UROC1: variants seen among roughly 807,000 people sequenced by gnomAD.
UROC1 encodes the protein urocanate hydratase 1, also known as urocanate hydratase.
A neutral mutation model predicts 89.5 loss-of-function variants in UROC1; 79 were observed. That is an observed-to-expected ratio of 0.88 (90% CI 0.74 to 1.06). The LOEUF is 1.06. Ranked by LOEUF, UROC1 falls within the 50% of genes least tolerant of loss-of-function variation. The pLI, the probability that UROC1 is intolerant of heterozygous loss-of-function variation, is 0.00. For synonymous variants in UROC1, 361 were observed against 354.8 expected, an observed-to-expected ratio of 1.02 and a Z score of -0.20; for missense variants, 885 against 907.8, an observed-to-expected ratio of 0.97 and a Z score of 0.32.
intron 1 of UROC1, among the ~76,000 whole-genome samples, chr3:126,514,944 A>G (rs1342168510): frequency 1.3e-5 from 2 of 152,060 alleles, no homozygotes; most frequent in Non-Finnish European, 2.9e-5. Context: ...CTTCAAATAC[A>G]TATGTTAAAG....
Position 126,507,245 on chromosome 3 carries a change from C to T in UROC1, c.602+497G>A, listed in dbSNP as rs371567330. 2.6e-5 allele frequency among the ~76,000 whole-genome samples: 4 copies of T among 151,418 alleles called. No homozygotes were observed. In the East Asian group the frequency reaches 5.8e-4, roughly 22 times the overall value. ...CTTTGTCAGAACCCAAAATGTGGTG[C>T]ATGTAAGATGTGTGCATCTTATTAC... On this transcript the variant is annotated intron_variant, in intron 6 of 19. Coordinates refer to ENST00000290868, the MANE Select transcript of UROC1 (RefSeq NM_144639.3).
chr3:126,517,184 C>T (rs1454864606), intron 1 of UROC1, among the ~76,000 whole-genome samples: 1 of 152,158 alleles, frequency 6.6e-6, no homozygotes, highest in African/African-American at 2.4e-5. Context: ...TGCAGCCGCA[C>T]GTTCTCCAGA....
intron 15 of UROC1, among the ~76,000 whole-genome samples, chr3:126,495,463 G>A (rs924249736): frequency 6.6e-6 from 1 of 152,162 alleles, no homozygotes; most frequent in Admixed American, 6.5e-5. Context: ...CATCCATGTT[G>A]TCACGTGTGT....
chr3:126,489,444 C>T, intron 16 of UROC1, 69 bp from the exon 17 acceptor site: 1 of 1,327,886 alleles, frequency 7.5e-7, no homozygotes, highest in South Asian at 1.2e-5. Flanking sequence ...AGACTGAGGA[C>T]AAGGGGCAGG....
rs1285365108 is a variant in UROC1 at position 126,481,630 on chromosome 3, C to T, written c.*715G>A. ...AGGCCACTTCCCCCATCCCGGTGAC[C>T]TCTCACGAGGCTCTGGACCCAGTCA... is the stretch of plus-strand genomic sequence containing the variant. On this transcript the variant is annotated 3_prime_UTR_variant, in exon 20 of 20. Coordinates refer to ENST00000290868, the MANE Select transcript of UROC1 (RefSeq NM_144639.3). 6.6e-6 allele frequency: 1 copy of T among 152,178 alleles called. No individual in the cohort carries two copies. The highest frequency in any genetic ancestry group is 1.5e-5 in the Non-Finnish European group (1 of 68,048). 9.4% of individuals were successfully genotyped at this position (152,178 alleles called of 1,614,324 possible).
intron 13 of UROC1, among the ~76,000 whole-genome samples, chr3:126,498,667 C>G (rs1382938946): frequency 6.6e-6 from 1 of 152,098 alleles, no homozygotes; most frequent in Non-Finnish European, 1.5e-5. Context: ...GCAGCCCTCC[C>G]TCTCCGGAGA....
At chr3:126,506,708 G>A (rs1004187557) in intron 6 of UROC1, among the ~76,000 whole-genome samples, 2 of 152,206 alleles carry the variant, frequency 1.3e-5, no homozygotes, top group African/African-American at 2.4e-5. Flanking sequence ...GAACACAGGA[G>A]ACACTGTCAA....
At position 126,496,051 on chromosome 3, in the gene UROC1, G is replaced by A. The variant is rs779289561; in HGVS notation, c.1496C>T (p.Ala499Val). The A allele has an allele frequency of 2.5e-6, 4 of 1,613,146 alleles. No homozygotes were observed. In the African/African-American group the frequency reaches 5.3e-5, roughly 22 times the overall value. ...CTGGGCCCTCACCAGCCGGTGCCTGGCGGCCTCCCGGATCCAGCGGATGTT... is the reference window on the plus strand; with the variant it reads ...CTGGGCCCTCACCAGCCGGTGCCTGACGGCCTCCCGGATCCAGCGGATGTT... Reference protein sequence around the residue: ...MDNIRWIREAARHRLVVGSQA... With the variant: ...MDNIRWIREAVRHRLVVGSQA... The change falls in exon 15 of 20, where the codon GCC becomes GTC. Residue 499 changes from alanine to valine, a missense_variant. Coordinates refer to ENST00000290868, the MANE Select transcript of UROC1 (RefSeq NM_144639.3).
intron 15 of UROC1, among the ~76,000 whole-genome samples, chr3:126,495,063 C>A (rs529746780): frequency 1.2e-4 from 18 of 152,326 alleles, no homozygotes; most frequent in Non-Finnish European, 2.1e-4. Context: ...GCCCAGGCAG[C>A]CTGGCTCTAG....
In UROC1 at chr3:126,505,789, T is replaced by G. The variant is rs201324204; in HGVS notation, c.725A>C (p.Lys242Thr). 39 of 1,613,902 alleles carry G rather than the reference T, an allele frequency of 2.4e-5. No homozygotes were observed. In the East Asian group the frequency reaches 8.7e-4, roughly 36 times the overall value. Residue 242 changes from lysine to threonine, a missense_variant, in exon 8 of 20, where the codon AAG becomes ACG. Physicochemically the swap from Lys to Thr is moderately conservative, Grantham distance 78. Transcript: ENST00000290868. ...GCCGAGCCCAGAGGTGACAAAGACC[T>G]TCCCAGCCAAGTCCTCGATGCCCAG... Reference protein sequence around the residue: ...RYLGIEDLAGKVFVTSGLGGM... With the variant: ...RYLGIEDLAGTVFVTSGLGGM...
At chr3:126,489,191 GA>G (rs1935587212) in intron 17 of UROC1, 84 bp downstream of exon 17, 10 of 1,340,828 alleles carry the variant, frequency 7.5e-6, no homozygotes, top group Non-Finnish European at 1.1e-5. Context: ...AACATCTTTC[GA>G]AACATTGTGA....
chr3:126,501,926 G>C, intron 9 of UROC1: 2 of 1,597,234 alleles, frequency 1.3e-6, no homozygotes, highest in Non-Finnish European at 1.7e-6. Flanking sequence ...CCCAGGGCTT[G>C]TTGCAATCCC....
At chr3:126,510,612 C>A (rs373983887) in intron 2 of UROC1, 52 bp downstream of exon 2, 11 of 1,606,210 alleles carry the variant, frequency 6.8e-6, no homozygotes, top group East Asian at 2.2e-5. Context: ...CAGTCCCTTG[C>A]GGGAGCTGCC....
intron 1 of UROC1, among the ~76,000 whole-genome samples, chr3:126,511,949 T>A (rs973842951): frequency 2.6e-5 from 4 of 152,238 alleles, no homozygotes; most frequent in African/African-American, 9.6e-5. Context: ...AACTGTCTGT[T>A]TATCTGCAAT....
At chr3:126,484,213 G>C (rs1372823769) in intron 18 of UROC1, among the ~76,000 whole-genome samples, 1 of 152,156 alleles carries the variant, frequency 6.6e-6, no homozygotes, top group Non-Finnish European at 1.5e-5. Flanking sequence ...CCTAGTAGAT[G>C]AGTTGAACTT....
At chr3:126,488,998 A>G (rs1212913236) in intron 17 of UROC1, among the ~76,000 whole-genome samples, 1 of 152,178 alleles carries the variant, frequency 6.6e-6, no homozygotes, top group Non-Finnish European at 1.5e-5. Context: ...CAAGAAATGC[A>G]GCTCTAGGAT....
At position 126,503,981 on chromosome 3, in the gene UROC1, G is replaced by A; in HGVS notation, c.902+14C>T. 1 of 1,613,998 alleles carries A rather than the reference G, an allele frequency of 6.2e-7. No homozygotes were observed. On this transcript the variant is annotated intron_variant, in intron 9 of 19. Coordinates refer to ENST00000290868, the MANE Select transcript of UROC1 (RefSeq NM_144639.3). The stretch of plus-strand genomic sequence containing the variant: ...TCAGGTGTCAGGTGTCCGGAGTTGA[G>A]CTTGGAGCTGTACCTGAGCCTCTGG...
In UROC1 at chr3:126,501,826, G is replaced by A. The variant is rs779172960; in HGVS notation, c.903-546C>T. The A allele has an allele frequency of 8.1e-6, 13 of 1,599,334 alleles. No homozygotes were observed. In the African/African-American group the frequency reaches 1.1e-4, roughly 13 times the overall value. On this transcript the variant is annotated intron_variant, in intron 9 of 19. Transcript: ENST00000290868. ...CAGGAGTGGCCTGGAGAAGCCCGAG[G>A]GAGCCAGGCACCTCCCCTCCCCCAG...
At chr3:126,508,945 G>A (rs1936131728) in intron 3 of UROC1, among the ~76,000 whole-genome samples, 1 of 152,152 alleles carries the variant, frequency 6.6e-6, no homozygotes, top group Non-Finnish European at 1.5e-5. Flanking sequence ...ACCCAATATG[G>A]TGGCCACCAG....
Sources: gnomAD v4.1 joint callset for allele counts (sites outside exome capture counted in the v4.1 genomes callset) on GRCh38, gnomAD v4.1.1 for gene constraint, MANE v1.5 for transcripts, NCBI Gene and HGNC (gene_info 2026-07-23, HGNC 2026-07-21) for gene names.